Variants in EIF4E observed in about 807,000 individuals in gnomAD.
The protein encoded by EIF4E is eIF-4F 25 kDa subunit.
For synonymous variants in EIF4E, 71 were observed against 88.5 expected, an observed-to-expected ratio of 0.80 and a Z score of 1.11; for missense variants, 113 against 265.6, an observed-to-expected ratio of 0.43 and a Z score of 3.99.
intron 1 of EIF4E, among the ~76,000 whole-genome samples, chr4:98,905,319 A>C (rs1358196314): frequency 6.6e-6 from 1 of 152,220 alleles, no homozygotes; most frequent in African/African-American, 2.4e-5. Flanking sequence ...CTAATTTAGC[A>C]GATTATGGCT....
intron 2 of EIF4E, 40 bp from the exon 3 acceptor site, chr4:98,891,372 T>C (rs1724136738): frequency 6.4e-7 from 1 of 1,560,178 alleles, no homozygotes. Flanking sequence ...GGTAGCTGCA[T>C]ACCCATGTTA....
chr4:98,896,866 A>G (rs970517870), intron 2 of EIF4E, among the ~76,000 whole-genome samples: 4 of 151,746 alleles, frequency 2.6e-5, no homozygotes, highest in Non-Finnish European at 4.4e-5. Flanking sequence ...GCTGGGGTGG[A>G]AAGATGGCTT....
At chr4:98,919,806 G>A (rs537288542) in intron 1 of EIF4E, among the ~76,000 whole-genome samples, 3 of 152,158 alleles carry the variant, frequency 2.0e-5, no homozygotes, top group African/African-American at 4.8e-5. Flanking sequence ...TGCTCCACCT[G>A]CCACAGCCTC....
intron 5 of EIF4E, among the ~76,000 whole-genome samples, chr4:98,886,068 G>A (rs1723905602): frequency 7.2e-5 from 11 of 151,730 alleles, no homozygotes; most frequent in Admixed American, 7.2e-4. Flanking sequence ...CAGGATGATT[G>A]CTTGAACCCA....
At chr4:98,917,126 ACACAC>A (rs1370406355) in intron 1 of EIF4E, among the ~76,000 whole-genome samples, 2 of 52,184 alleles carry the variant, frequency 3.8e-5, no homozygotes, top group East Asian at 5.3e-4. Context: ...ACACACACAC[ACACAC>A]ACAAAAAAAA....
At chr4:98,884,063 G>A (rs1188883900) in intron 6 of EIF4E, among the ~76,000 whole-genome samples, 1 of 146,914 alleles carries the variant, frequency 6.8e-6, no homozygotes, top group Non-Finnish European at 1.5e-5. Context: ...AGCCACTTTT[G>A]CAAAGAATAA....
intron 1 of EIF4E, chr4:98,909,761 T>A: frequency 1.4e-6 from 1 of 704,832 alleles, no homozygotes; most frequent in Non-Finnish European, 2.6e-6. Context: ...CTTTCCTTCT[T>A]GTTTTGCTTC....
At chr4:98,884,022 C>T (rs1291047012) in intron 6 of EIF4E, among the ~76,000 whole-genome samples, 1 of 136,272 alleles carries the variant, frequency 7.3e-6, no homozygotes, top group Non-Finnish European at 1.5e-5. Context: ...CTGAATAACA[C>T]AGTGAGACCC....
intron 1 of EIF4E, among the ~76,000 whole-genome samples, chr4:98,924,594 T>G (rs572563245): frequency 7.2e-5 from 7 of 97,626 alleles, no homozygotes; most frequent in Admixed American, 2.0e-4. Flanking sequence ...TTTGTTTCTG[T>G]TTTTTTTTTT....
chr4:98,884,280 A>G (rs928242541), intron 6 of EIF4E, among the ~76,000 whole-genome samples: 2 of 152,182 alleles, frequency 1.3e-5, no homozygotes, highest in African/African-American at 2.4e-5. Flanking sequence ...TTTTCCAAAC[A>G]GCACTTTCAA....
At chr4:98,923,509 C>T (rs937349791) in intron 1 of EIF4E, among the ~76,000 whole-genome samples, 1 of 152,138 alleles carries the variant, frequency 6.6e-6, no homozygotes, top group African/African-American at 2.4e-5. Context: ...GACAGGGTCT[C>T]GCCATGTTGG....
chr4:98,900,005 T>C (rs1724579753), intron 2 of EIF4E, among the ~76,000 whole-genome samples: 1 of 151,976 alleles, frequency 6.6e-6, no homozygotes, highest in Non-Finnish European at 1.5e-5. Context: ...TTTTTTTTTT[T>C]TTAAACTGAT....
intron 1 of EIF4E, among the ~76,000 whole-genome samples, chr4:98,915,659 A>G (rs2028685): frequency 0.076 from 11,339 of 149,724 alleles, 1,013 homozygotes; most frequent in East Asian, 0.49. Context: ...TCCTGCCTCA[A>G]CCTCCCAAGT....
chr4:98,905,311 A>T (rs185179116), intron 1 of EIF4E, among the ~76,000 whole-genome samples: 1 of 152,308 alleles, frequency 6.6e-6, no homozygotes, highest in East Asian at 1.9e-4. Context: ...AGTAAAGGCT[A>T]ATTTAGCAGA....
intron 1 of EIF4E, among the ~76,000 whole-genome samples, chr4:98,912,574 A>G (rs79199233): frequency 6.8e-6 from 1 of 147,934 alleles, no homozygotes; most frequent in East Asian, 2.0e-4. Flanking sequence ...CTCCATCTCA[A>G]AAAAAAAACC....
Position 98,928,852 on chromosome 4 carries a change from C to G in EIF4E, c.18+243G>C, listed in dbSNP as rs927601221. 5.9e-6 allele frequency: 9 copies of G among 1,536,916 alleles called. No homozygotes were observed. In the Admixed American group the frequency reaches 7.9e-5, roughly 14 times the overall value. ...TCGCGGTTCCGCAGGAGGCGCCACG[C>G]CGCCCCTCCCCCACACCGCTCCCCC... On this transcript the variant is annotated intron_variant, in intron 1 of 6. Transcript: ENST00000450253.
chr4:98,916,552 T>C (rs1436091813), intron 1 of EIF4E, among the ~76,000 whole-genome samples: 4 of 152,128 alleles, frequency 2.6e-5, no homozygotes, highest in Non-Finnish European at 4.4e-5. Flanking sequence ...AACAGACTTA[T>C]ACTAAGGTAT....
intron 6 of EIF4E, among the ~76,000 whole-genome samples, chr4:98,882,802 G>A (rs572126289): frequency 1.3e-4 from 19 of 150,222 alleles, no homozygotes; most frequent in South Asian, 4.2e-4. Context: ...CAAAACTTCC[G>A]TAGGAAAAAA....
At chr4:98,903,006 T>C (rs1206719909) in intron 1 of EIF4E, among the ~76,000 whole-genome samples, 2 of 152,240 alleles carry the variant, frequency 1.3e-5, no homozygotes, top group South Asian at 2.1e-4. Flanking sequence ...AAGATGGACA[T>C]TGGCTTGAAC....
Sources: allele counts gnomAD v4.1 joint callset (sites outside exome capture counted in the v4.1 genomes callset), GRCh38; gene constraint gnomAD v4.1.1; transcripts MANE v1.5; gene names NCBI Gene and HGNC (gene_info 2026-07-23, HGNC 2026-07-21).